The following EXOC4 variants were observed in gnomAD, a reference collection of about 807,000 sequenced individuals.
EXOC4 encodes the protein SEC8-like 1.
EXOC4 carries 71 observed loss-of-function variants against 107.2 expected under a neutral mutation model. The ratio of observed to expected loss-of-function variants is 0.66; its 90% CI spans 0.55 to 0.81. EXOC4 has a LOEUF of 0.81. Among genes scored for constraint, EXOC4 ranks in the 30% least tolerant of loss-of-function variants. The pLI is 0.00. For missense variants in EXOC4, 1,108 were observed against 1,189.6 expected, an observed-to-expected ratio of 0.93 and a Z score of 1.01; for synonymous variants, 456 against 441.2, an observed-to-expected ratio of 1.03 and a Z score of -0.42.
intron 9 of EXOC4, among the ~76,000 whole-genome samples, chr7:133,519,548 G>C (rs1036835626): frequency 2.0e-5 from 3 of 152,110 alleles, no homozygotes; most frequent in African/African-American, 7.2e-5. Context: ...TAAATAAAAT[G>C]CATAAAAACA....
chr7:133,794,014 C>T (rs1796760961), intron 10 of EXOC4, among the ~76,000 whole-genome samples: 1 of 152,018 alleles, frequency 6.6e-6, no homozygotes, highest in Non-Finnish European at 1.5e-5. Flanking sequence ...ATAAAAATGT[C>T]CCCCTTACAT....
At chr7:133,877,516 G>A (rs1798874682) in intron 11 of EXOC4, among the ~76,000 whole-genome samples, 1 of 152,036 alleles carries the variant, frequency 6.6e-6, no homozygotes, top group Non-Finnish European at 1.5e-5. Context: ...GGCTAATTTG[G>A]CCCCGCTACT....
At chr7:134,081,556 A>T in the EXOC4 span, among the ~76,000 whole-genome samples, 2 of 152,146 alleles carry the variant, frequency 1.3e-5, no homozygotes, top group Non-Finnish European at 2.9e-5. Flanking sequence ...TGTAGCCCCG[A>T]TACTTAGAAC....
At chr7:133,759,338 T>A (rs978209454) in intron 10 of EXOC4, among the ~76,000 whole-genome samples, 1 of 152,168 alleles carries the variant, frequency 6.6e-6, no homozygotes, top group Non-Finnish European at 1.5e-5. Flanking sequence ...TGAGCAGTCA[T>A]CTTTTAAAAC....
chr7:133,845,513 C>G (rs1191494200), intron 11 of EXOC4, among the ~76,000 whole-genome samples: 1 of 151,496 alleles, frequency 6.6e-6, no homozygotes, highest in Non-Finnish European at 1.5e-5. Context: ...AGGCTCATCC[C>G]AAACTGTCCA....
At chr7:133,494,671 C>T (rs957518326) in intron 9 of EXOC4, among the ~76,000 whole-genome samples, 3 of 152,004 alleles carry the variant, frequency 2.0e-5, no homozygotes, top group African/African-American at 4.8e-5. Context: ...TGGTATTCAC[C>T]CTAACACAAT....
intron 2 of EXOC4, among the ~76,000 whole-genome samples, chr7:133,284,709 G>T (rs1338124928): frequency 6.6e-6 from 1 of 151,918 alleles, no homozygotes; most frequent in Admixed American, 6.6e-5. Context: ...TTTTATTTTT[G>T]TATTTTTAGT....
intron 9 of EXOC4, among the ~76,000 whole-genome samples, chr7:133,485,808 AC>A (rs1326189195): frequency 6.6e-6 from 1 of 152,108 alleles, no homozygotes; most frequent in African/African-American, 2.4e-5. Context: ...TATTTGAGAA[AC>A]CCTAGTGGTT....
intron 11 of EXOC4, among the ~76,000 whole-genome samples, chr7:133,866,223 C>T (rs566138708): frequency 9.9e-5 from 15 of 152,216 alleles, no homozygotes; most frequent in Admixed American, 3.9e-4. Context: ...GGAAATCGAG[C>T]GACTTCTCAA....
intron 10 of EXOC4, among the ~76,000 whole-genome samples, chr7:133,710,185 A>G (rs1562918818): frequency 2.0e-5 from 3 of 152,178 alleles, no homozygotes; most frequent in Admixed American, 6.5e-5. Context: ...CTGGGCTTCT[A>G]TCACAGGGTG....
chr7:133,550,952 G>C (rs1368392707), intron 9 of EXOC4, among the ~76,000 whole-genome samples: 14 of 151,816 alleles, frequency 9.2e-5, no homozygotes. Flanking sequence ...ACGAAGAGTT[G>C]TGGCTTTCCC....
chr7:133,793,044 G>T (rs1451478562), intron 10 of EXOC4, among the ~76,000 whole-genome samples: 1 of 152,010 alleles, frequency 6.6e-6, no homozygotes, highest in African/African-American at 2.4e-5. Flanking sequence ...CATTCTCCTG[G>T]TAACCCCGCC....
chr7:133,895,811 T>A (rs995028068), intron 12 of EXOC4, 76 bp downstream of exon 12: 1 of 1,482,428 alleles, frequency 6.7e-7, no homozygotes, highest in Non-Finnish European at 9.2e-7. Context: ...ATTGCTTCAA[T>A]AGCCTAATTT....
At chr7:133,509,920 C>T (rs1018767462) in intron 9 of EXOC4, among the ~76,000 whole-genome samples, 1 of 152,178 alleles carries the variant, frequency 6.6e-6, no homozygotes, top group Admixed American at 6.5e-5. Flanking sequence ...TTCTTCTTTT[C>T]ACCTAGTGAA....
the EXOC4 span, among the ~76,000 whole-genome samples, chr7:134,099,468 T>C: frequency 2.0e-5 from 3 of 151,398 alleles, no homozygotes; most frequent in Non-Finnish European, 4.4e-5. Context: ...GGCCTTCTAG[T>C]TCCCCCCAGT....
chr7:133,929,456 C>A (rs140568069), intron 13 of EXOC4, among the ~76,000 whole-genome samples: 136 of 143,024 alleles, frequency 9.5e-4, no homozygotes, highest in African/African-American at 3.7e-3. Flanking sequence ...AATACACTGT[C>A]ATTCTAACAC....
At chr7:133,261,477 T>G (rs1795151676) in intron 1 of EXOC4, among the ~76,000 whole-genome samples, 1 of 152,120 alleles carries the variant, frequency 6.6e-6, no homozygotes, top group Non-Finnish European at 1.5e-5. Context: ...CTCAGGCTGG[T>G]CTTGAATTCC....
intron 11 of EXOC4, among the ~76,000 whole-genome samples, chr7:133,830,962 T>G (rs1797796964): frequency 6.6e-6 from 1 of 152,010 alleles, no homozygotes; most frequent in Non-Finnish European, 1.5e-5. Flanking sequence ...TTGACAGTTT[T>G]TTTGTTTGTT....
chr7:133,564,512 T>C (rs903959695), intron 9 of EXOC4, among the ~76,000 whole-genome samples: 3 of 152,168 alleles, frequency 2.0e-5, no homozygotes, highest in African/African-American at 7.2e-5. Context: ...TCCTATTTTT[T>C]TTGTTCTCCT....
Sources: gnomAD v4.1 joint callset for allele counts (sites outside exome capture counted in the v4.1 genomes callset) on GRCh38, gnomAD v4.1.1 for gene constraint, MANE v1.5 for transcripts, NCBI Gene and HGNC (gene_info 2026-07-23, HGNC 2026-07-21) for gene names.